Variants in GTF2IRD1 observed in about 807,000 individuals in gnomAD.
GTF2IRD1 encodes general transcription factor II-I repeat domain-containing protein 1.
GTF2IRD1 carries 26 observed loss-of-function variants against 113.2 expected under a neutral mutation model. That is an observed-to-expected ratio of 0.23 (90% CI 0.17 to 0.32). The LOEUF (loss-of-function observed/expected upper bound fraction) is 0.32. Among genes scored for constraint, GTF2IRD1 ranks in the 10% least tolerant of loss-of-function variants. The pLI, the probability that GTF2IRD1 is intolerant of heterozygous loss-of-function variation, is 1.00. For missense variants in GTF2IRD1, 864 were observed against 1,280.8 expected, an observed-to-expected ratio of 0.67 and a Z score of 4.97; for synonymous variants, 484 against 529.1, an observed-to-expected ratio of 0.91 and a Z score of 1.17.
At chr7:74,480,997 G>T (rs1794711112) in intron 1 of GTF2IRD1, among the ~76,000 whole-genome samples, 1 of 152,178 alleles carries the variant, frequency 6.6e-6, no homozygotes, top group Admixed American at 6.5e-5. Flanking sequence ...CAGGGAAGAG[G>T]CAGGCGGCTC....
chr7:74,572,337 G>C (rs910221656), intron 22 of GTF2IRD1, among the ~76,000 whole-genome samples: 2 of 151,986 alleles, frequency 1.3e-5, no homozygotes, highest in South Asian at 4.2e-4. Context: ...CTCTGATCTT[G>C]GATAAGTTAA....
rs570001500 is a variant in GTF2IRD1, at chr7:74,513,549, C to T, written c.265+578C>T. Among the ~76,000 whole-genome samples, 5 of 152,308 alleles carry T rather than the reference C, an allele frequency of 3.3e-5. No individual in the cohort carries two copies. The South Asian group carries it at 1.0e-3, about 32-fold the overall frequency. ...CGAACTCCTGACCTCAGGTGACCCG[C>T]CCACCTCAGCCTCCCAAAGTGCTGG... is the stretch of plus-strand genomic sequence containing the variant. On this transcript the variant is annotated intron_variant, in intron 3 of 26. Transcript: ENST00000424337.
chr7:74,562,550 GC>G (rs1456597132), intron 22 of GTF2IRD1, among the ~76,000 whole-genome samples: 1 of 121,216 alleles, frequency 8.2e-6, no homozygotes, highest in Non-Finnish European at 1.7e-5. Context: ...TCCGCCAATT[GC>G]CCTCTTTTTT....
intron 22 of GTF2IRD1, among the ~76,000 whole-genome samples, chr7:74,577,980 A>AT (rs1217037322): frequency 1.3e-5 from 2 of 151,712 alleles, no homozygotes; most frequent in Non-Finnish European, 2.9e-5. Flanking sequence ...CTACTTTTAA[A>AT]TTTTTTGTAG....
At chr7:74,556,060 GC>G (rs1162510586) in intron 19 of GTF2IRD1, among the ~76,000 whole-genome samples, 1 of 152,014 alleles carries the variant, frequency 6.6e-6, no homozygotes, top group Non-Finnish European at 1.5e-5. Context: ...GACCAGCCTG[GC>G]CAACATGGTG....
intron 19 of GTF2IRD1, among the ~76,000 whole-genome samples, chr7:74,557,032 G>A (rs1192599898): frequency 3.3e-5 from 5 of 152,120 alleles, no homozygotes; most frequent in African/African-American, 1.2e-4. Flanking sequence ...CTTGAGCTTG[G>A]GGGTTCGAGG....
chr7:74,535,272 CTG>C (rs1261734360), intron 10 of GTF2IRD1, 134 bp downstream of exon 10: 26 of 749,272 alleles, frequency 3.5e-5, no homozygotes, highest in Non-Finnish European at 5.6e-5. Context: ...GCTGTGGTTT[CTG>C]TGTCCTGGGA....
chr7:74,547,582 G>A (rs1287046714), intron 17 of GTF2IRD1, among the ~76,000 whole-genome samples: 1 of 151,424 alleles, frequency 6.6e-6, no homozygotes, highest in African/African-American at 2.4e-5. Context: ...GAGACTACAG[G>A]TGCGCGCCAC....
At chr7:74,538,061 G>T in intron 11 of GTF2IRD1, 75 bp from the exon 12 acceptor site, 1 of 1,491,110 alleles carries the variant, frequency 6.7e-7, no homozygotes, top group Admixed American at 1.7e-5. Context: ...GGCCCTGACT[G>T]CCTGGAGGGG....
Position 74,601,142 on chromosome 7 carries a change from C to A in GTF2IRD1, c.2728C>A (p.Pro910Thr). The change falls in exon 26 of 27, where the codon CCG (proline) becomes ACG (threonine). Residue 910 changes from proline (P) to threonine (T), a missense_variant. Around this residue, in one of 7 missense-constraint regions of GTF2IRD1, gnomAD observed 55 missense variants for 52.2 expected, o/e 1.05. Coordinates refer to ENST00000424337, the MANE Select transcript of GTF2IRD1 (RefSeq NM_005685.4). ...GTCTTCCTCTTCCTCGTCCTCTAAC[C>A]CGGATTCAGTGGCATCGGCCAACCA... ...SSSSSSSSSN[P>T]DSVASANQIS... is the part of the protein sequence containing the mutation. 1.2e-6 allele frequency: 2 copies of A among 1,610,446 alleles called. No individual in the cohort carries two copies. Among genetic ancestry groups the A allele is most frequent in the Non-Finnish European group, 1.7e-6 (2 of 1,178,226 alleles).
At chr7:74,583,611 G>C (rs1801553969) in intron 22 of GTF2IRD1, among the ~76,000 whole-genome samples, 1 of 151,748 alleles carries the variant, frequency 6.6e-6, no homozygotes, top group South Asian at 2.1e-4. Context: ...CCACTTTCCT[G>C]ACATGCACAC....
chr7:74,590,232 C>A (rs587738396), intron 23 of GTF2IRD1, among the ~76,000 whole-genome samples: 88 of 152,030 alleles, frequency 5.8e-4, no homozygotes, highest in Non-Finnish European at 1.1e-3. Context: ...AAGCATGCGC[C>A]AACACTCCCG....
intron 1 of GTF2IRD1, among the ~76,000 whole-genome samples, chr7:74,459,032 G>A (rs534532339): frequency 6.6e-5 from 10 of 152,034 alleles, no homozygotes; most frequent in Admixed American, 3.3e-4. Flanking sequence ...ATCCATTCTC[G>A]GTCCCATTCC....
chr7:74,533,529 C>A (rs1022678086), intron 9 of GTF2IRD1, among the ~76,000 whole-genome samples: 1 of 152,194 alleles, frequency 6.6e-6, no homozygotes, highest in Non-Finnish European at 1.5e-5. Context: ...ATAATCTGAC[C>A]TTGTCATGAC....
Position 74,588,522 on chromosome 7 carries a change from TTTTG to T in GTF2IRD1, c.2321-1313_2321-1310del, listed in dbSNP as rs1302652092. ...CCTACCTGCCTTTTTGGAGCCCATTTTTTGTTTGTTTGTTTGTTTTCATTTTTGT... is the reference window on the plus strand; with the variant it reads ...CCTACCTGCCTTTTTGGAGCCCATTTTTTGTTTGTTTGTTTTCATTTTTGT... On this transcript the variant is annotated intron_variant, in intron 22 of 26. Transcript: ENST00000424337. Among the ~76,000 whole-genome samples, 14 of 152,130 alleles carry T rather than the reference TTTTG, an allele frequency of 9.2e-5. No individual in the cohort carries two copies. In the East Asian group the frequency reaches 2.3e-3, roughly 25 times the overall value.
At position 74,466,291 on chromosome 7, in the gene GTF2IRD1, CT is replaced by C. The variant is rs541119768; in HGVS notation, c.-7+12118del. Among the ~76,000 whole-genome samples, 37 of 152,276 alleles carry C rather than the reference CT, an allele frequency of 2.4e-4. No individual in the cohort carries two copies. The South Asian group carries it at 3.3e-3, about 14-fold the overall frequency. On this transcript the variant is annotated intron_variant, in intron 1 of 26. Transcript: ENST00000424337. ...GTTTGATGGCAGCCTGCAGAAGTGG[CT>C]TTCTGCATGGCCCTGGAGGACGGTG...
intron 17 of GTF2IRD1, among the ~76,000 whole-genome samples, chr7:74,549,017 C>T (rs587753025): frequency 1.4e-4 from 21 of 145,282 alleles, no homozygotes; most frequent in African/African-American, 2.8e-4. Flanking sequence ...CTGGGCATGA[C>T]GGCTCATGCC....
intron 22 of GTF2IRD1, among the ~76,000 whole-genome samples, chr7:74,571,336 G>A (rs1175827051): frequency 2.6e-5 from 4 of 152,242 alleles, no homozygotes; most frequent in African/African-American, 9.6e-5. Context: ...CAGAGAGACT[G>A]GCCAGGATGG....
chr7:74,602,003 G>A lies in GTF2IRD1; in HGVS notation c.2767-362G>A, dbSNP rs148854495. The A allele has an allele frequency of 7.1e-3, 1,210 of 170,578 alleles. 16 individuals carry two copies. The highest frequency in any genetic ancestry group is 0.025 in the African/African-American group (1,067 of 41,888). The allele number at this position is 170,578 out of a possible 1,614,324, so 10.6% of individuals were successfully genotyped here. On this transcript the variant is annotated intron_variant, in intron 26 of 26. Coordinates refer to ENST00000424337, the MANE Select transcript of GTF2IRD1 (RefSeq NM_005685.4). The stretch of plus-strand genomic sequence containing the variant: ...CGCCTGTAATCCTAGCACTTTGGGA[G>A]GCCGAGGCAGGCGGATCACTTGAGG...
Sources: allele counts gnomAD v4.1 joint callset (sites outside exome capture counted in the v4.1 genomes callset), GRCh38; gene constraint gnomAD v4.1.1; regional missense constraint gnomAD v4.1.1; transcripts MANE v1.5; gene names NCBI Gene and HGNC (gene_info 2026-07-23, HGNC 2026-07-21).